Variants in TLK2 observed in about 807,000 individuals in gnomAD.
TLK2 encodes the protein serine/threonine-protein kinase tousled-like 2.
Under a neutral mutation model 117.3 loss-of-function variants are expected in TLK2, and 6 were observed. The observed-to-expected ratio is 0.05, with a 90% confidence interval of 0.03 to 0.10. The LOEUF is 0.10. TLK2 is among the 10% of genes least tolerant of loss of function. The probability of loss-of-function intolerance (pLI) is 1.00; values close to 1 mark genes in which losing one functional copy is unlikely to be tolerated. For synonymous variants in TLK2, 257 were observed against 316.7 expected (o/e 0.81, Z 2.00); for missense variants, 299 against 901.2 (o/e 0.33, Z 8.56).
At chr17:62,563,993 A>G (rs1360196808) in intron 10 of TLK2, among the ~76,000 whole-genome samples, 1 of 152,198 alleles carries the variant, frequency 6.6e-6, no homozygotes, top group Non-Finnish European at 1.5e-5. Flanking sequence ...GAGAAGATGA[A>G]TTGGTAACAG....
At chr17:62,598,500 C>A (rs1024342526) in intron 17 of TLK2, among the ~76,000 whole-genome samples, 3 of 151,804 alleles carry the variant, frequency 2.0e-5, no homozygotes, top group Admixed American at 6.6e-5. Context: ...GCTTTATTTT[C>A]TTTTCTTTCT....
intron 2 of TLK2, among the ~76,000 whole-genome samples, chr17:62,501,587 G>T (rs1016801938): frequency 3.3e-5 from 5 of 149,378 alleles, no homozygotes; most frequent in African/African-American, 1.2e-4. Flanking sequence ...AAAAATACTG[G>T]AAGAAAAAAC....
At chr17:62,516,073 C>T (rs2075556572) in intron 2 of TLK2, among the ~76,000 whole-genome samples, 2 of 151,798 alleles carry the variant, frequency 1.3e-5, no homozygotes, top group Admixed American at 1.3e-4. Context: ...TACAGGCGCC[C>T]GCCACCACGC....
chr17:62,607,426 G>C (rs1258674975), intron 20 of TLK2, among the ~76,000 whole-genome samples: 5 of 152,030 alleles, frequency 3.3e-5, no homozygotes, highest in Admixed American at 3.3e-4. Context: ...CTACTCGGGA[G>C]GCTGAGGCAG....
chr17:62,524,498 C>G (rs567921129), intron 6 of TLK2, among the ~76,000 whole-genome samples, 167 bp downstream of exon 6: 8 of 152,282 alleles, frequency 5.3e-5, no homozygotes, highest in African/African-American at 1.9e-4. Flanking sequence ...AATCTGTTGT[C>G]AGTAAATTAG....
chr17:62,562,477 T>C (rs946924414), intron 10 of TLK2, among the ~76,000 whole-genome samples: 4 of 152,150 alleles, frequency 2.6e-5, no homozygotes, highest in Non-Finnish European at 1.5e-5. Context: ...GACAACTCAT[T>C]AATAATGAGC....
At chr17:62,589,384 G>A (rs1401355246) in intron 16 of TLK2, among the ~76,000 whole-genome samples, 1 of 152,112 alleles carries the variant, frequency 6.6e-6, no homozygotes, top group Non-Finnish European at 1.5e-5. Flanking sequence ...CTAAATATAT[G>A]TTAACTTATA....
At chr17:62,596,556 T>C (rs769171183) in intron 16 of TLK2, 29 bp from the exon 17 acceptor site, 8 of 1,573,368 alleles carry the variant, frequency 5.1e-6, no homozygotes, top group Non-Finnish European at 7.0e-6. Context: ...CCAATATACC[T>C]TCTTGTTAAT....
At chr17:62,523,873 A>G (rs1598376267) in intron 5 of TLK2, among the ~76,000 whole-genome samples, 1 of 152,134 alleles carries the variant, frequency 6.6e-6, no homozygotes, top group Non-Finnish European at 1.5e-5. Context: ...GAGTTCCCTG[A>G]CCCATCGTTA....
At chr17:62,553,350 T>C (rs561289022) in intron 8 of TLK2, 101 of 241,828 alleles carry the variant, frequency 4.2e-4, no homozygotes, top group Middle Eastern at 1.5e-3. Flanking sequence ...GATCCTTTTC[T>C]ATTCAAAGTT....
chr17:62,611,936 A>C (rs1347912271), intron 21 of TLK2: 1 of 153,060 alleles, frequency 6.5e-6, no homozygotes, highest in Non-Finnish European at 1.5e-5. Flanking sequence ...TCATAGTGTT[A>C]GTCGTTGTGT....
chr17:62,501,238 A>C (rs984400078), intron 2 of TLK2, among the ~76,000 whole-genome samples: 1 of 152,212 alleles, frequency 6.6e-6, no homozygotes, highest in Non-Finnish European at 1.5e-5. Context: ...ACTCCGTCTC[A>C]AAAGAAAAAA....
At chr17:62,477,686 G>A (rs1296378124), upstream of TLK2, 5 of 152,190 alleles carry the variant, frequency 3.3e-5, no homozygotes, top group African/African-American at 1.2e-4. Context: ...AGCATCCGCG[G>A]AAAATTATAA....
At chr17:62,507,339 C>G (rs1470086527) in intron 2 of TLK2, 1 of 151,984 alleles carries the variant, frequency 6.6e-6, no homozygotes, top group Non-Finnish European at 1.5e-5. Context: ...TTATACACAT[C>G]AAGGAAGAAC....
intron 21 of TLK2, 82 bp from the exon 22 acceptor site, chr17:62,612,310 G>A: frequency 2.0e-6 from 3 of 1,468,274 alleles, no homozygotes; most frequent in Non-Finnish European, 2.8e-6. Flanking sequence ...TCTGGGCCCT[G>A]GCAGCCGATA....
chr17:62,489,203 ATT>A (rs755242825), intron 2 of TLK2, among the ~76,000 whole-genome samples: 7 of 71,502 alleles, frequency 9.8e-5, no homozygotes, highest in Non-Finnish European at 1.1e-4. Flanking sequence ...GTGTGTGTAA[ATT>A]TTTTTTTTTT....
At chr17:62,552,887 G>A (rs1246454200) in intron 8 of TLK2, among the ~76,000 whole-genome samples, 1 of 152,206 alleles carries the variant, frequency 6.6e-6, no homozygotes, top group Non-Finnish European at 1.5e-5. Context: ...TATGAAAGTA[G>A]TTAATGTATT....
chr17:62,585,353 CATG>C (rs1392830681), intron 15 of TLK2, among the ~76,000 whole-genome samples: 1 of 152,204 alleles, frequency 6.6e-6, no homozygotes, highest in African/African-American at 2.4e-5. Context: ...GCCTGACCAA[CATG>C]GTGAAACCCC....
chr17:62,501,312 T>A (rs2074175703), intron 2 of TLK2, among the ~76,000 whole-genome samples: 1 of 152,194 alleles, frequency 6.6e-6, no homozygotes, highest in East Asian at 1.9e-4. Context: ...GGGATACAGC[T>A]AATACAGTGC....
Sources: allele counts gnomAD v4.1 joint callset (sites outside exome capture counted in the v4.1 genomes callset), GRCh38; gene constraint gnomAD v4.1.1; transcripts MANE v1.5; gene names NCBI Gene and HGNC (gene_info 2026-07-23, HGNC 2026-07-21).